Variants in NALF1 observed in about 807,000 individuals in gnomAD.
NALF1 encodes NALCN channel auxiliary factor 1.
NALF1 carries 3 observed loss-of-function variants against 48.4 expected under a neutral mutation model. That is an observed-to-expected ratio of 0.06 (90% CI 0.03 to 0.16). NALF1 has a LOEUF of 0.16. NALF1 is among the 10% of genes least tolerant of loss of function. NALF1 has a pLI of 1.00. For missense variants in NALF1, 526 were observed against 571.5 expected (o/e 0.92, Z 0.81); for synonymous variants, 262 against 245.7 (o/e 1.07, Z -0.62).
intron 1 of NALF1, among the ~76,000 whole-genome samples, chr13:107,709,276 C>T (rs890075120): frequency 6.6e-6 from 1 of 152,024 alleles, no homozygotes; most frequent in Non-Finnish European, 1.5e-5. Flanking sequence ...TAACAAAAAA[C>T]CAGGTTGGTA....
At chr13:107,370,974 A>T (rs1285605962) in intron 1 of NALF1, among the ~76,000 whole-genome samples, 2 of 152,134 alleles carry the variant, frequency 1.3e-5, no homozygotes, top group African/African-American at 4.8e-5. Context: ...ATTACCTTCC[A>T]CCGCATCCCT....
At chr13:107,560,711 T>C (rs1388345884) in intron 1 of NALF1, among the ~76,000 whole-genome samples, 1 of 152,146 alleles carries the variant, frequency 6.6e-6, no homozygotes, top group African/African-American at 2.4e-5. Flanking sequence ...ATTTGTAATC[T>C]ATGCTCCCCC....
chr13:107,298,113 G>C (rs1881758710), intron 1 of NALF1, among the ~76,000 whole-genome samples: 1 of 151,756 alleles, frequency 6.6e-6, no homozygotes, highest in Non-Finnish European at 1.5e-5. Flanking sequence ...CACTCGGGAG[G>C]CCAAGGCGGG....
chr13:107,667,211 C>T (rs1880881728), intron 1 of NALF1, among the ~76,000 whole-genome samples: 1 of 151,786 alleles, frequency 6.6e-6, no homozygotes. Flanking sequence ...ATGTAATTAC[C>T]ATAAACGACA....
Position 107,706,977 on chromosome 13 carries a change from C to CAGTG in NALF1, c.915+158701_915+158704dup, listed in dbSNP as rs1875393531. The stretch of plus-strand genomic sequence containing the variant: ...TCGCTCTGTCGCCCAGGCTGGAGTG[C>CAGTG]AGTGGCGTGATCTCGGCTCACTGCA... On this transcript the variant is annotated intron_variant, in intron 1 of 2. Transcript: ENST00000375915. Among the ~76,000 whole-genome samples, 3 of 114,656 alleles carry CAGTG rather than the reference C, an allele frequency of 2.6e-5. No individual in the cohort carries two copies. In the South Asian group the frequency reaches 9.1e-4, roughly 35 times the overall value. 75.2% of individuals were successfully genotyped at this position (114,656 alleles called of 152,430 possible). A position where few individuals can be genotyped will look rare whatever the true frequency, so the allele number is the denominator to read the frequency against.
At chr13:107,799,269 G>T (rs1878528099) in intron 1 of NALF1, among the ~76,000 whole-genome samples, 1 of 152,180 alleles carries the variant, frequency 6.6e-6, no homozygotes, top group Admixed American at 6.5e-5. Flanking sequence ...TGTTGGTTTA[G>T]CCACAGACTC....
At chr13:107,596,880 T>C (rs1236407157) in intron 1 of NALF1, among the ~76,000 whole-genome samples, 1 of 152,206 alleles carries the variant, frequency 6.6e-6, no homozygotes, top group Non-Finnish European at 1.5e-5. Context: ...TTTCCCATGT[T>C]GGCAGTATGC....
At chr13:107,793,111 T>G (rs1454260090) in intron 1 of NALF1, among the ~76,000 whole-genome samples, 1 of 152,174 alleles carries the variant, frequency 6.6e-6, no homozygotes, top group Non-Finnish European at 1.5e-5. Flanking sequence ...TGGTAATAAC[T>G]TATATAGTTT....
chr13:107,235,646 G>A (rs1429140916), intron 1 of NALF1, among the ~76,000 whole-genome samples: 4 of 152,284 alleles, frequency 2.6e-5, no homozygotes, highest in Non-Finnish European at 4.4e-5. Flanking sequence ...TATGAATGCA[G>A]TCATCCATTT....
chr13:107,204,804 G>C (rs1038969302), intron 2 of NALF1, among the ~76,000 whole-genome samples: 3 of 151,736 alleles, frequency 2.0e-5, no homozygotes, highest in Non-Finnish European at 4.4e-5. Context: ...TTTTGTATGA[G>C]ATTAAATGAT....
chr13:107,515,315 G>A (rs942220), intron 1 of NALF1, among the ~76,000 whole-genome samples: 8 of 151,976 alleles, frequency 5.3e-5, no homozygotes, highest in African/African-American at 1.7e-4. Flanking sequence ...TTAAGACCAC[G>A]AGAAATTGTA....
chr13:107,504,394 A>C (rs902546652), intron 1 of NALF1, among the ~76,000 whole-genome samples: 1 of 152,066 alleles, frequency 6.6e-6, no homozygotes, highest in Admixed American at 6.6e-5. Flanking sequence ...TTTATTGTGG[A>C]GGGATTTTTG....
At chr13:107,574,076 C>A (rs1329570989) in intron 1 of NALF1, among the ~76,000 whole-genome samples, 1 of 152,118 alleles carries the variant, frequency 6.6e-6, no homozygotes, top group East Asian at 1.9e-4. Context: ...ATTTAGGTCC[C>A]CAGTGTAAGA....
chr13:107,628,661 C>A (rs980619911), intron 1 of NALF1, among the ~76,000 whole-genome samples: 1 of 152,248 alleles, frequency 6.6e-6, no homozygotes, highest in Middle Eastern at 3.4e-3. Flanking sequence ...CCAAATCTTA[C>A]TAAAAACAAA....
intron 1 of NALF1, among the ~76,000 whole-genome samples, chr13:107,369,126 T>A (rs1337918080): frequency 6.6e-6 from 1 of 152,220 alleles, no homozygotes; most frequent in Non-Finnish European, 1.5e-5. Flanking sequence ...GGAATTTCCA[T>A]AGCCCCTTAT....
intron 1 of NALF1, among the ~76,000 whole-genome samples, chr13:107,677,266 G>A (rs903898672): frequency 1.3e-5 from 2 of 152,090 alleles, no homozygotes; most frequent in Non-Finnish European, 1.5e-5. Flanking sequence ...GGCTGGTCCC[G>A]AACTCCTTAC....
At chr13:107,441,377 G>A (rs1467174411) in intron 1 of NALF1, among the ~76,000 whole-genome samples, 1 of 152,038 alleles carries the variant, frequency 6.6e-6, no homozygotes, top group Non-Finnish European at 1.5e-5. Context: ...GCAACGTGAG[G>A]ATCATTACAG....
intron 2 of NALF1, among the ~76,000 whole-genome samples, chr13:107,179,592 C>A (rs1007180667): frequency 1.3e-5 from 2 of 149,454 alleles, no homozygotes; most frequent in Non-Finnish European, 3.0e-5. Flanking sequence ...GTTTATTACA[C>A]ATCTTATGCC....
chr13:107,704,982 G>A (rs1022697363), intron 1 of NALF1, among the ~76,000 whole-genome samples: 1 of 152,126 alleles, frequency 6.6e-6, no homozygotes, highest in Admixed American at 6.5e-5. Flanking sequence ...ATAACTTATG[G>A]AAATATGTTC....
Sources: allele counts gnomAD v4.1 joint callset (sites outside exome capture counted in the v4.1 genomes callset), GRCh38; gene constraint gnomAD v4.1.1; transcripts MANE v1.5; gene names NCBI Gene and HGNC (gene_info 2026-07-23, HGNC 2026-07-21).